Variants in SLMAP observed in about 807,000 individuals in gnomAD.
The protein encoded by SLMAP is sarcolemma associated protein, also known as sarcolemmal membrane-associated protein.
In SLMAP, 44 loss-of-function variants were observed where a neutral mutation model predicts 128.8. The observed-to-expected ratio is 0.34, with a 90% confidence interval of 0.27 to 0.44. The LOEUF (loss-of-function observed/expected upper bound fraction) is 0.44. Among genes scored for constraint, SLMAP ranks in the 20% least tolerant of loss-of-function variants. The pLI is 1.00. For missense variants in SLMAP, 787 were observed against 985.3 expected (o/e 0.80, Z 2.69); for synonymous variants, 327 against 348.8 (o/e 0.94, Z 0.70).
At chr3:57,761,355 T>C (rs2078597662) in intron 2 of SLMAP, among the ~76,000 whole-genome samples, 1 of 152,010 alleles carries the variant, frequency 6.6e-6, no homozygotes, top group South Asian at 2.1e-4. Flanking sequence ...AGTGCAGTGG[T>C]GCGATCTCAG....
chr3:57,877,021 C>T (rs1363042894), intron 14 of SLMAP, among the ~76,000 whole-genome samples: 1 of 152,048 alleles, frequency 6.6e-6, no homozygotes, highest in Admixed American at 6.6e-5. Flanking sequence ...CTGAAGTAGA[C>T]CTCATGCCTT....
At chr3:57,834,553 AATTG>A in intron 3 of SLMAP, among the ~76,000 whole-genome samples, 1 of 152,134 alleles carries the variant, frequency 6.6e-6, no homozygotes, top group Non-Finnish European at 1.5e-5. Flanking sequence ...AAATTTGATT[AATTG>A]ATTGTTTTTG....
At chr3:57,905,500 T>C (rs549236187) in intron 17 of SLMAP, among the ~76,000 whole-genome samples, 3 of 152,254 alleles carry the variant, frequency 2.0e-5, no homozygotes, top group African/African-American at 7.2e-5. Flanking sequence ...AGGTGGGTTT[T>C]GAACTCCTGA....
intron 23 of SLMAP, among the ~76,000 whole-genome samples, chr3:57,924,539 G>T (rs1004380417): frequency 3.3e-5 from 5 of 151,828 alleles, no homozygotes; most frequent in East Asian, 1.9e-4. Flanking sequence ...GGCTAATTTT[G>T]TATTTTTAGT....
At chr3:57,897,003 A>G (rs975683190) in intron 17 of SLMAP, 71 bp downstream of exon 17, 3 of 1,593,172 alleles carry the variant, frequency 1.9e-6, no homozygotes, top group Admixed American at 3.6e-5. Context: ...AATCTGTTCT[A>G]GATATTATGT....
chr3:57,757,308 G>A lies in SLMAP; in HGVS notation c.-344G>A, dbSNP rs1423263188. 2.7e-6 allele frequency: 1 copy of A among 372,136 alleles called. No individual in the cohort carries two copies. Among genetic ancestry groups the A allele is most frequent in the Non-Finnish European group, 5.1e-6 (1 of 197,816 alleles). 23.1% of individuals were successfully genotyped at this position (372,136 alleles called of 1,614,324 possible). On this transcript the variant is annotated 5_prime_UTR_variant, in exon 2 of 25. Transcript: ENST00000671191. ...AATTGGCGTGTGACTCATCTGCTTG[G>A]ATACCTCCAGTCCCCAAACTGTGTT... is the stretch of plus-strand genomic sequence containing the variant.
intron 13 of SLMAP, among the ~76,000 whole-genome samples, chr3:57,868,426 A>T (rs1398435041): frequency 6.6e-6 from 1 of 151,324 alleles, no homozygotes; most frequent in East Asian, 2.0e-4. Flanking sequence ...AAGAAAAAAA[A>T]AATTTTTTTT....
chr3:57,804,075 A>AT (rs1421175324), intron 2 of SLMAP, among the ~76,000 whole-genome samples: 1 of 152,186 alleles, frequency 6.6e-6, no homozygotes, highest in Non-Finnish European at 1.5e-5. Context: ...AGAGTAAGTG[A>AT]TTTTTTAATT....
intron 2 of SLMAP, among the ~76,000 whole-genome samples, chr3:57,774,807 A>T (rs2081511271): frequency 6.6e-6 from 1 of 151,838 alleles, no homozygotes; most frequent in African/African-American, 2.4e-5. Context: ...TACAGGTGTG[A>T]GCCATTGCGC....
At chr3:57,789,776 G>T (rs1336696242) in intron 2 of SLMAP, among the ~76,000 whole-genome samples, 1 of 152,002 alleles carries the variant, frequency 6.6e-6, no homozygotes. Context: ...GATGTTCTGA[G>T]TTCTTTTTTT....
At chr3:57,813,551 A>G (rs2091373098) in intron 2 of SLMAP, among the ~76,000 whole-genome samples, 1 of 152,162 alleles carries the variant, frequency 6.6e-6, no homozygotes, top group Non-Finnish European at 1.5e-5. Context: ...GGGGGAAAAA[A>G]AAGGATGGTT....
chr3:57,761,825 A>G (rs2078703858), intron 2 of SLMAP, among the ~76,000 whole-genome samples: 1 of 150,032 alleles, frequency 6.7e-6, no homozygotes, highest in Admixed American at 6.6e-5. Flanking sequence ...AGGCGGGTGG[A>G]TCATGAGGTC....
intron 3 of SLMAP, among the ~76,000 whole-genome samples, chr3:57,833,660 T>C (rs572643451): frequency 6.6e-6 from 1 of 152,236 alleles, no homozygotes; most frequent in Non-Finnish European, 1.5e-5. Context: ...CCTCGTGATC[T>C]GCCCATCTCA....
intron 21 of SLMAP, among the ~76,000 whole-genome samples, chr3:57,915,267 C>A (rs1480370055): frequency 6.6e-6 from 1 of 152,112 alleles, no homozygotes; most frequent in Admixed American, 6.6e-5. Flanking sequence ...TCAATTATTT[C>A]AAATTTTAAG....
intron 3 of SLMAP, among the ~76,000 whole-genome samples, chr3:57,834,767 T>G (rs1429352644): frequency 6.6e-6 from 1 of 151,900 alleles, no homozygotes; most frequent in Non-Finnish European, 1.5e-5. Context: ...AAGATATAGA[T>G]ACAAAAAAGA....
At chr3:57,761,690 T>G (rs1236271203) in intron 2 of SLMAP, among the ~76,000 whole-genome samples, 3 of 152,210 alleles carry the variant, frequency 2.0e-5, no homozygotes, top group African/African-American at 7.2e-5. Context: ...ATATGTGCTT[T>G]GGGTGACTTT....
chr3:57,759,093 G>A (rs1184059506), intron 2 of SLMAP, among the ~76,000 whole-genome samples: 1 of 152,174 alleles, frequency 6.6e-6, no homozygotes, highest in Non-Finnish European at 1.5e-5. Flanking sequence ...AAGAAAGGAG[G>A]AAAAGATTGT....
intron 2 of SLMAP, among the ~76,000 whole-genome samples, chr3:57,799,727 A>C (rs1560029608): frequency 6.6e-6 from 1 of 152,070 alleles, no homozygotes; most frequent in Non-Finnish European, 1.5e-5. Context: ...GCACCACTGG[A>C]CCTTTGGAAC....
At chr3:57,903,757 CA>C (rs142333824) in intron 17 of SLMAP, among the ~76,000 whole-genome samples, 2,532 of 152,328 alleles carry the variant, frequency 0.017, 60 homozygotes, top group African/African-American at 0.058. Context: ...TTACAACTTA[CA>C]TTACTCCTAA....
Sources: allele counts gnomAD v4.1 joint callset (sites outside exome capture counted in the v4.1 genomes callset), GRCh38; gene constraint gnomAD v4.1.1; transcripts MANE v1.5; gene names NCBI Gene and HGNC (gene_info 2026-07-23, HGNC 2026-07-21).